Variants in ZDHHC21 observed in about 807,000 individuals in gnomAD.
ZDHHC21 encodes palmitoyltransferase ZDHHC21.
A neutral mutation model predicts 34.6 loss-of-function variants in ZDHHC21; 15 were observed. The observed-to-expected ratio is 0.43, with a 90% CI of 0.29 to 0.67. The LOEUF (loss-of-function observed/expected upper bound fraction) is 0.67, where lower values mean the gene tolerates loss of function less well. Ranked by LOEUF, ZDHHC21 falls within the 30% of genes least tolerant of loss-of-function variation. ZDHHC21 has a pLI of 0.14. For missense variants in ZDHHC21, 344 were observed against 327.7 expected, an observed-to-expected ratio of 1.05 and a Z score of -0.38; for synonymous variants, 142 against 101.8, an observed-to-expected ratio of 1.40 and a Z score of -2.38.
intron 2 of ZDHHC21, 150 bp downstream of exon 2, chr9:14,690,187 C>T (rs1436665109): frequency 3.7e-6 from 1 of 270,238 alleles, no homozygotes; most frequent in African/African-American, 2.3e-5. Context: ...GGAAGGGAAG[C>T]CTGCTACTTA....
intron 8 of ZDHHC21, among the ~76,000 whole-genome samples, chr9:14,631,048 T>C (rs1478658631): frequency 6.6e-6 from 1 of 152,170 alleles, no homozygotes; most frequent in East Asian, 1.9e-4. Flanking sequence ...AGTCAGTCTG[T>C]CCTGTACCTT....
chr9:14,682,900 A>C (rs532456343), intron 2 of ZDHHC21, among the ~76,000 whole-genome samples: 11 of 152,312 alleles, frequency 7.2e-5, no homozygotes, highest in African/African-American at 2.6e-4. Context: ...AAACCGAACA[A>C]CTACATGGAA....
intron 7 of ZDHHC21, among the ~76,000 whole-genome samples, chr9:14,658,058 C>T (rs1352538030): frequency 1.3e-5 from 2 of 152,002 alleles, no homozygotes; most frequent in Admixed American, 1.3e-4. Flanking sequence ...TGATGAAAGG[C>T]AGGGAGAAAA....
rs184840793 is a variant in ZDHHC21, at chr9:14,612,584, G to C, written c.*6382C>G. On this transcript the variant is annotated 3_prime_UTR_variant, in exon 10 of 10. Transcript: ENST00000380916. ...AAAAATCTTACTCTATGTAAAGTGA[G>C]TAACCATATCCAGACTTTTTTCTTT... 42 of 151,940 alleles carry C rather than the reference G, an allele frequency of 2.8e-4. No homozygotes were observed. The highest frequency in any genetic ancestry group is 9.6e-4 in the African/African-American group (40 of 41,508). The allele number at this position is 151,940 out of a possible 1,614,324, so 9.4% of individuals were successfully genotyped here.
intron 7 of ZDHHC21, among the ~76,000 whole-genome samples, chr9:14,651,818 CTA>C (rs1176602910): frequency 1.1e-4 from 17 of 151,938 alleles, no homozygotes; most frequent in African/African-American, 3.6e-4. Flanking sequence ...TTTAAAGTAA[CTA>C]TGTGAAATAG....
downstream of ZDHHC21, among the ~76,000 whole-genome samples, chr9:14,610,380 A>C (rs1564158395): frequency 6.6e-6 from 1 of 152,020 alleles, no homozygotes; most frequent in Non-Finnish European, 1.5e-5. Flanking sequence ...CAGAAGGCAA[A>C]CTTTCGGACA....
In ZDHHC21 at chr9:14,616,894, C is replaced by G. The variant is rs1186538891; in HGVS notation, c.*2072G>C. 1 of 151,720 alleles carries G rather than the reference C, an allele frequency of 6.6e-6. No individual in the cohort carries two copies. The highest frequency in any genetic ancestry group is 2.4e-5 in the African/African-American group (1 of 41,370). 9.4% of individuals were successfully genotyped at this position (151,720 alleles called of 1,614,324 possible). A position where few individuals can be genotyped will look rare whatever the true frequency, so the allele number is the denominator to read the frequency against. On this transcript the variant is annotated 3_prime_UTR_variant, in exon 10 of 10. Coordinates refer to ENST00000380916, the MANE Select transcript of ZDHHC21 (RefSeq NM_178566.6). ...AGAGGAAGAGGGAAAAGAATATGCC[C>G]TAGATGAGGTAAATCTAGGAAAAAT...
chr9:14,589,235 C>T, the ZDHHC21 span: 1 of 152,114 alleles, frequency 6.6e-6, no homozygotes, highest in South Asian at 2.1e-4. Context: ...GGAGAGGCAA[C>T]TGCAACTGCA....
chr9:14,621,957 T>A lies in ZDHHC21; in HGVS notation c.622-2275A>T, dbSNP rs193023835. ...GACTCAACACAGTTAGTGCTCATCA[T>A]GAAAGGACCAATAAGATAACTATTA... On this transcript the variant is annotated intron_variant, in intron 8 of 9. Coordinates refer to ENST00000380916, the MANE Select transcript of ZDHHC21 (RefSeq NM_178566.6). 1.3e-4 allele frequency among the ~76,000 whole-genome samples: 20 copies of A among 152,258 alleles called. No homozygotes were observed. The East Asian group carries it at 2.7e-3, about 21-fold the overall frequency.
intron 6 of ZDHHC21, among the ~76,000 whole-genome samples, chr9:14,661,995 T>C (rs1019202347): frequency 3.4e-5 from 5 of 146,668 alleles, no homozygotes; most frequent in Non-Finnish European, 6.0e-5. Flanking sequence ...TAATTCTTAC[T>C]TTTTTGGCTC....
At chr9:14,609,338 A>T (rs1424094008), downstream of ZDHHC21, among the ~76,000 whole-genome samples, 13 of 152,142 alleles carry the variant, frequency 8.5e-5, no homozygotes, top group Non-Finnish European at 4.4e-5. Flanking sequence ...AAGCTGAACT[A>T]GCCACTTTCT....
At chr9:14,631,446 T>G (rs1435908012) in intron 8 of ZDHHC21, among the ~76,000 whole-genome samples, 2 of 152,186 alleles carry the variant, frequency 1.3e-5, no homozygotes, top group African/African-American at 4.8e-5. Context: ...CACCAAAAAT[T>G]TCTCCATATC....
rs1180755752 is a variant in ZDHHC21 at position 14,612,138 on chromosome 9, T to C, written c.*6828A>G. Reference sequence around the variant, plus strand: ...TTTCAAATTTTGCTTTCACCTCTAATGATATGTTCATCTAGATTTCTACAT... The same window carrying C: ...TTTCAAATTTTGCTTTCACCTCTAACGATATGTTCATCTAGATTTCTACAT... On this transcript the variant is annotated 3_prime_UTR_variant, in exon 10 of 10. Coordinates refer to ENST00000380916, the MANE Select transcript of ZDHHC21 (RefSeq NM_178566.6). The C allele has an allele frequency of 6.6e-6, 1 of 152,084 alleles. No individual in the cohort carries two copies. The highest frequency in any genetic ancestry group is 6.6e-5 in the Admixed American group (1 of 15,234). 9.4% of individuals were successfully genotyped at this position (152,084 alleles called of 1,614,324 possible). A position where few individuals can be genotyped will look rare whatever the true frequency, so the allele number is the denominator to read the frequency against.
At chr9:14,602,421 A>C in the ZDHHC21 span, among the ~76,000 whole-genome samples, 2 of 152,082 alleles carry the variant, frequency 1.3e-5, no homozygotes, top group Non-Finnish European at 2.9e-5. Context: ...TATTTAATGA[A>C]ATAATAGCTA....
intron 7 of ZDHHC21, among the ~76,000 whole-genome samples, chr9:14,641,566 G>C (rs928386909): frequency 1.3e-5 from 2 of 151,986 alleles, no homozygotes; most frequent in Non-Finnish European, 2.9e-5. Context: ...AAAATATGTA[G>C]GAATACACAA....
chr9:14,653,388 A>T (rs908997525), intron 7 of ZDHHC21, among the ~76,000 whole-genome samples: 1 of 151,856 alleles, frequency 6.6e-6, no homozygotes, highest in Non-Finnish European at 1.5e-5. Flanking sequence ...ATTATTGGTA[A>T]TTTTTTTCTA....
At chr9:14,619,146 C>T (rs946898815) in intron 9 of ZDHHC21, 48 bp from the exon 10 acceptor site, 29 of 1,549,806 alleles carry the variant, frequency 1.9e-5, no homozygotes, top group African/African-American at 2.8e-5. Flanking sequence ...CCATGGTGCA[C>T]TTCAGTCAGC....
intron 2 of ZDHHC21, among the ~76,000 whole-genome samples, chr9:14,689,004 T>C (rs1026691942): frequency 4.6e-5 from 7 of 152,022 alleles, no homozygotes; most frequent in Middle Eastern, 3.4e-3. Flanking sequence ...GAGCTGTGAC[T>C]GCACTGCACT....
intron 8 of ZDHHC21, among the ~76,000 whole-genome samples, chr9:14,631,612 A>G (rs1827358313): frequency 6.6e-6 from 1 of 152,198 alleles, no homozygotes; most frequent in African/African-American, 2.4e-5. Flanking sequence ...TGCCTTTCTC[A>G]TTAGGTTTCA....
Sources: gnomAD v4.1 joint callset for allele counts (sites outside exome capture counted in the v4.1 genomes callset) on GRCh38, gnomAD v4.1.1 for gene constraint, MANE v1.5 for transcripts, NCBI Gene and HGNC (gene_info 2026-07-23, HGNC 2026-07-21) for gene names.